The following SLC26A8 variants were observed in gnomAD, a reference collection of about 807,000 sequenced individuals.
SLC26A8 encodes the protein solute carrier family 26 member 8.
A neutral mutation model predicts 105.0 loss-of-function variants in SLC26A8; 70 were observed. That is an observed-to-expected ratio of 0.67 (90% CI 0.55 to 0.81). The LOEUF (loss-of-function observed/expected upper bound fraction) is 0.81. Among genes scored for constraint, SLC26A8 ranks in the 40% least tolerant of loss-of-function variants. The probability of loss-of-function intolerance (pLI) is 0.00; values close to 1 mark genes in which losing one functional copy is unlikely to be tolerated. For missense variants in SLC26A8, 998 were observed against 1,181.8 expected (o/e 0.84, Z 2.28); for synonymous variants, 415 against 438.3 (o/e 0.95, Z 0.66).
At chr6:35,977,098 G>T (rs1413001560) in intron 9 of SLC26A8, 106 bp downstream of exon 9, 9 of 1,254,134 alleles carry the variant, frequency 7.2e-6, no homozygotes, top group African/African-American at 3.1e-5. Flanking sequence ...TCCAAACCAT[G>T]GTCCAAGTGG....
Position 36,000,070 on chromosome 6 carries a change from G to A in SLC26A8, c.367C>T (p.Pro123Ser). 2 of 1,614,082 alleles carry A rather than the reference G, an allele frequency of 1.2e-6. No individual in the cohort carries two copies. Among genetic ancestry groups the A allele is most frequent in the South Asian group, 1.1e-5 (1 of 91,080 alleles). ...LSLLARQLIP[P>S]LNIAYAAFCS... The stretch of plus-strand genomic sequence containing the variant: ...AAAGCTGCATAAGCGATGTTGAGAG[G>A]AGGAATCAGTTGCCTTGCCAGCAAA... Residue 123 changes from proline (P) to serine (S), a missense_variant, in exon 4 of 20, where the codon CCT becomes TCT. By Grantham distance (74) the Pro-to-Ser change is moderately conservative. Coordinates refer to ENST00000490799, the MANE Select transcript of SLC26A8 (RefSeq NM_052961.4).
At chr6:35,975,070 A>C (rs547516852) in intron 10 of SLC26A8, among the ~76,000 whole-genome samples, 1 of 152,164 alleles carries the variant, frequency 6.6e-6, no homozygotes, top group South Asian at 2.1e-4. Context: ...TTTACCTAAA[A>C]TATTCTTATC....
intron 19 of SLC26A8, 62 bp downstream of exon 19, chr6:35,951,100 CA>C: frequency 4.4e-6 from 6 of 1,364,758 alleles, no homozygotes; most frequent in South Asian, 2.4e-5. Context: ...AACCACCCCT[CA>C]CCCATCCCCC....
intron 15 of SLC26A8, 30 bp from the exon 16 acceptor site, chr6:35,959,621 G>A: frequency 6.2e-7 from 1 of 1,609,400 alleles, no homozygotes; most frequent in South Asian, 1.1e-5. Flanking sequence ...TCATCCAGAG[G>A]AAGAATGGTG....
intron 10 of SLC26A8, among the ~76,000 whole-genome samples, chr6:35,970,069 A>G (rs551512680): frequency 1.4e-3 from 220 of 152,310 alleles, no homozygotes; most frequent in Non-Finnish European, 2.5e-3. Context: ...AAAATAATAG[A>G]AACCAGTGTC....
chr6:36,007,101 C>T (rs1288373141), intron 3 of SLC26A8, among the ~76,000 whole-genome samples: 3 of 152,122 alleles, frequency 2.0e-5, no homozygotes, highest in African/African-American at 4.8e-5. Context: ...ATTCTCACCA[C>T]CCTTATTCAA....
chr6:35,981,301 T>G lies in SLC26A8; in HGVS notation c.1025+820A>C, dbSNP rs942540609. On this transcript the variant is annotated intron_variant, in intron 8 of 19. Transcript: ENST00000490799. The surrounding 1 kb of genome is among the most constrained non-coding windows in gnomAD (Gnocchi z 4.0). ...TTAAGAACTCCATATGCCAGGCTAT[T>G]TGAAGATCACTTTCTACCCAGAGTA... Among the ~76,000 whole-genome samples the G allele has an allele frequency of 3.9e-5, 6 of 152,190 alleles. No homozygotes were observed. Among genetic ancestry groups the G allele is most frequent in the African/African-American group, 1.4e-4 (6 of 41,458 alleles).
rs1285675451 is a variant in SLC26A8 at position 35,981,539 on chromosome 6, C to T, written c.1025+582G>A. On this transcript the variant is annotated intron_variant, in intron 8 of 19. Transcript: ENST00000490799. The surrounding 1 kb of genome is among the most constrained non-coding windows in gnomAD (Gnocchi z 4.0). ...CGGCGGTGTACACCTGTAGTCCCAA[C>T]TACTCAGAGAGCTGAGGAGGGAGGA... 6.6e-6 allele frequency among the ~76,000 whole-genome samples: 1 copy of T among 152,182 alleles called. No individual in the cohort carries two copies. The highest frequency in any genetic ancestry group is 1.5e-5 in the Non-Finnish European group (1 of 68,044).
intron 5 of SLC26A8, among the ~76,000 whole-genome samples, chr6:35,995,678 T>A (rs915240854): frequency 5.2e-4 from 79 of 152,110 alleles, no homozygotes; most frequent in African/African-American, 1.8e-3. Flanking sequence ...TATTTTTTTT[T>A]TTTATTTTGT....
chr6:35,985,455 G>A (rs1408758617), intron 7 of SLC26A8, among the ~76,000 whole-genome samples: 1 of 152,026 alleles, frequency 6.6e-6, no homozygotes, highest in Non-Finnish European at 1.5e-5. Flanking sequence ...AGCACTTTGG[G>A]AGGCCAAGGT....
intron 7 of SLC26A8, among the ~76,000 whole-genome samples, chr6:35,991,380 G>C (rs1006372738): frequency 2.7e-5 from 4 of 148,414 alleles, no homozygotes; most frequent in Non-Finnish European, 5.9e-5. Context: ...CTCCATCCTG[G>C]GCAGCAGAGC....
In SLC26A8 at chr6:35,960,462, C is replaced by T. The variant is rs375190791; in HGVS notation, c.1638+381G>A. On this transcript the variant is annotated intron_variant, in intron 14 of 19. Coordinates refer to ENST00000490799, the MANE Select transcript of SLC26A8 (RefSeq NM_052961.4). ...ACTGAGCTCAGGAGTCCAAGACCAG[C>T]CTGGGCAACATGGTGAGACCCTGTC... 34 of 195,944 alleles carry T rather than the reference C, an allele frequency of 1.7e-4. No individual in the cohort carries two copies. The South Asian group carries it at 3.5e-3, about 20-fold the overall frequency. The allele number at this position is 195,944 out of a possible 1,614,324, so 12.1% of individuals were successfully genotyped here.
intron 14 of SLC26A8, 25 bp downstream of exon 14, chr6:35,960,818 A>T (rs1422182358): frequency 6.2e-7 from 1 of 1,611,326 alleles, no homozygotes; most frequent in African/African-American, 1.3e-5. Context: ...TTAGGCAGAG[A>T]AATGGGACCC....
chr6:36,010,532 T>C (rs903788611), intron 3 of SLC26A8, among the ~76,000 whole-genome samples: 3 of 147,452 alleles, frequency 2.0e-5, no homozygotes, highest in Admixed American at 6.7e-5. Flanking sequence ...TCTATATATG[T>C]ATTCTTTTTT....
chr6:35,994,880 A>G (rs1581678076), intron 5 of SLC26A8, among the ~76,000 whole-genome samples: 2 of 152,178 alleles, frequency 1.3e-5, no homozygotes, highest in South Asian at 2.1e-4. Context: ...GCTGGCCTGC[A>G]TCATCTTTCA....
intron 10 of SLC26A8, among the ~76,000 whole-genome samples, chr6:35,970,236 A>G (rs1348515859): frequency 1.3e-5 from 2 of 152,094 alleles, no homozygotes; most frequent in Non-Finnish European, 2.9e-5. Flanking sequence ...TTTTTTACGT[A>G]GGGGGGGAAA....
intron 2 of SLC26A8, among the ~76,000 whole-genome samples, chr6:36,015,326 T>C (rs1273002511): frequency 6.6e-6 from 1 of 152,208 alleles, no homozygotes; most frequent in East Asian, 1.9e-4. Context: ...TTGGCCAGGC[T>C]GGTCTTAAAC....
intron 9 of SLC26A8, 65 bp downstream of exon 9, chr6:35,977,139 G>A (rs1225003111): frequency 2.0e-6 from 3 of 1,519,574 alleles, no homozygotes; most frequent in South Asian, 1.2e-5. Context: ...CCTGCTTCAT[G>A]TTGGCAGGAG....
At position 35,966,001 on chromosome 6, in the gene SLC26A8, C is replaced by CA. The variant is rs67198897; in HGVS notation, c.1365+2875dup. Among the ~76,000 whole-genome samples, 517 of 95,454 alleles carry CA rather than the reference C, an allele frequency of 5.4e-3. 1 individual carries two copies. Among genetic ancestry groups the CA allele is most frequent in the African/African-American group, 0.012 (316 of 25,346 alleles). 62.6% of individuals were successfully genotyped at this position (95,454 alleles called of 152,430 possible). A position where few individuals can be genotyped will look rare whatever the true frequency, so the allele number is the denominator to read the frequency against. Reference sequence around the variant, plus strand: ...GGGCAATAGAGGGAGACTCTCATCTCAAAAAAAAAAAAAAAAAAGATTTTC... The same window carrying CA: ...GGGCAATAGAGGGAGACTCTCATCTCAAAAAAAAAAAAAAAAAAAGATTTTC... On this transcript the variant is annotated intron_variant, in intron 11 of 19. Coordinates refer to ENST00000490799, the MANE Select transcript of SLC26A8 (RefSeq NM_052961.4).
Sources: gnomAD v4.1 joint callset for allele counts (sites outside exome capture counted in the v4.1 genomes callset) on GRCh38, gnomAD v4.1.1 for gene constraint, Gnocchi (gnomAD v3.1) non-coding constraint, MANE v1.5 for transcripts, NCBI Gene and HGNC (gene_info 2026-07-23, HGNC 2026-07-21) for gene names.